DGKI: variants seen among roughly 807,000 people sequenced by gnomAD.
The protein encoded by DGKI is diacylglycerol kinase iota.
DGKI carries 55 observed loss-of-function variants against 147.5 expected under a neutral mutation model. The observed-to-expected ratio is 0.37, with a 90% CI of 0.30 to 0.47. The LOEUF is 0.47. DGKI is among the 20% of genes least tolerant of loss of function. The pLI is 1.00. For synonymous variants in DGKI, 469 were observed against 477.1 expected, an observed-to-expected ratio of 0.98 and a Z score of 0.22; for missense variants, 1,007 against 1,323.8, an observed-to-expected ratio of 0.76 and a Z score of 3.71.
At position 137,384,321 on chromosome 7, in the gene DGKI, G is replaced by A. The variant is rs1343487868; in HGVS notation, c.*6899C>T. On this transcript the variant is annotated 3_prime_UTR_variant, in exon 33 of 33. Transcript: ENST00000614521. ...TGTACAAGCTGACAAGCCTCTCTCC[G>A]ACAGCAAAAACTCTGACTTTTTGAT... The A allele has an allele frequency of 2.0e-5, 3 of 151,940 alleles. No homozygotes were observed. Among genetic ancestry groups the A allele is most frequent in the East Asian group, 3.9e-4 (2 of 5,170 alleles). 9.4% of individuals were successfully genotyped at this position (151,940 alleles called of 1,614,324 possible).
chr7:137,750,055 G>A (rs931845789), intron 1 of DGKI, among the ~76,000 whole-genome samples: 18 of 152,188 alleles, frequency 1.2e-4, no homozygotes, highest in African/African-American at 4.1e-4. Flanking sequence ...TGGCATCAGG[G>A]AGACCCAGTA....
intron 21 of DGKI, among the ~76,000 whole-genome samples, chr7:137,494,439 A>G (rs1431556792): frequency 1.3e-5 from 2 of 152,192 alleles, no homozygotes; most frequent in Non-Finnish European, 2.9e-5. Context: ...CAGGTCACCT[A>G]CAAAGGAAAC....
At chr7:137,470,569 T>C (rs1178126473) in intron 23 of DGKI, among the ~76,000 whole-genome samples, 1 of 152,134 alleles carries the variant, frequency 6.6e-6, no homozygotes, top group Non-Finnish European at 1.5e-5. Flanking sequence ...ATTTCATTTA[T>C]ATTTTATTTT....
chr7:137,604,998 T>C (rs2128991298), intron 10 of DGKI, among the ~76,000 whole-genome samples: 1 of 152,228 alleles, frequency 6.6e-6, no homozygotes, highest in African/African-American at 2.4e-5. Flanking sequence ...TTACTATCTC[T>C]TTCCACCGAA....
intron 10 of DGKI, among the ~76,000 whole-genome samples, chr7:137,603,531 G>A (rs1176871082): frequency 6.6e-6 from 1 of 152,212 alleles, no homozygotes; most frequent in African/African-American, 2.4e-5. Flanking sequence ...CTCTGTCCAT[G>A]TGTACCGTCG....
intron 19 of DGKI, among the ~76,000 whole-genome samples, chr7:137,561,194 A>T (rs1240521253): frequency 6.6e-6 from 1 of 152,092 alleles, no homozygotes. Flanking sequence ...ACAACAAAAA[A>T]TAAAAAAAAA....
At chr7:137,578,527 G>A (rs1819066432) in intron 15 of DGKI, among the ~76,000 whole-genome samples, 2 of 152,216 alleles carry the variant, frequency 1.3e-5, no homozygotes, top group African/African-American at 4.8e-5. Flanking sequence ...GACTATAAAT[G>A]TGTAGTTCCA....
At chr7:137,570,589 T>C (rs1338514845) in intron 19 of DGKI, among the ~76,000 whole-genome samples, 1 of 146,786 alleles carries the variant, frequency 6.8e-6, no homozygotes, top group Non-Finnish European at 1.5e-5. Flanking sequence ...GTTTCTATAG[T>C]GTAATTTTTT....
chr7:137,586,024 A>C lies in DGKI; in HGVS notation c.1426-678T>G, dbSNP rs369839283. ...ATTTCTACACTGCCTACTTTAAAAA[A>C]AGACCTGTGGAAGGTTAATTTGCCC... On this transcript the variant is annotated intron_variant, in intron 13 of 32. Transcript: ENST00000614521. Among the ~76,000 whole-genome samples, 12 of 152,346 alleles carry C rather than the reference A, an allele frequency of 7.9e-5. No homozygotes were observed. The South Asian group carries it at 2.3e-3, about 29-fold the overall frequency.
chr7:137,527,575 A>G (rs2128955536), intron 20 of DGKI, among the ~76,000 whole-genome samples: 1 of 152,296 alleles, frequency 6.6e-6, no homozygotes, highest in East Asian at 1.9e-4. Context: ...TAATCATTCT[A>G]CATTTTGTAC....
At chr7:137,770,679 G>C (rs55719809) in intron 1 of DGKI, among the ~76,000 whole-genome samples, 1 of 96,758 alleles carries the variant, frequency 1.0e-5, no homozygotes, top group Non-Finnish European at 1.8e-5. Flanking sequence ...GACTACAGGC[G>C]CCCGCCACTA....
intron 2 of DGKI, among the ~76,000 whole-genome samples, chr7:137,680,284 G>T (rs964566094): frequency 1.3e-5 from 2 of 152,158 alleles, no homozygotes; most frequent in African/African-American, 4.8e-5. Flanking sequence ...CAGAACTGTG[G>T]GAAATGAAGT....
chr7:137,472,494 C>A (rs200256234), intron 23 of DGKI, among the ~76,000 whole-genome samples: 3 of 142,046 alleles, frequency 2.1e-5, no homozygotes, highest in African/African-American at 7.8e-5. Context: ...TATATATACA[C>A]GTGTATATAT....
chr7:137,739,850 G>A lies in DGKI; in HGVS notation c.402-49848C>T, dbSNP rs113603670. Among the ~76,000 whole-genome samples, 777 of 152,288 alleles carry A rather than the reference G, an allele frequency of 5.1e-3. 1 individual carries two copies. Among genetic ancestry groups the A allele is most frequent in the Non-Finnish European group, 8.9e-3 (607 of 68,014 alleles). On this transcript the variant is annotated intron_variant, in intron 1 of 32. Transcript: ENST00000614521. ...ACTTTCCAGTTTATTTTTGCCACTT[G>A]CAGAATCGAAATGGCAGTCAAGAAA...
At chr7:137,462,032 T>C (rs1423272979) in intron 27 of DGKI, among the ~76,000 whole-genome samples, 3 of 152,114 alleles carry the variant, frequency 2.0e-5, no homozygotes, top group Non-Finnish European at 4.4e-5. Flanking sequence ...CATCAGTATG[T>C]TATATATAGA....
At chr7:137,837,997 C>CTTTTTTTT (rs777963342) in intron 1 of DGKI, among the ~76,000 whole-genome samples, 1 of 109,834 alleles carries the variant, frequency 9.1e-6, no homozygotes, top group Non-Finnish European at 1.8e-5. Flanking sequence ...AAGGGAGAAA[C>CTTTTTTTT]TTTTTTTTTT....
At chr7:137,607,380 C>T (rs75431051) in intron 10 of DGKI, among the ~76,000 whole-genome samples, 5,416 of 152,182 alleles carry the variant, frequency 0.036, 321 homozygotes, top group African/African-American at 0.12. Context: ...CCTTGACCTC[C>T]CTTTTCTATT....
chr7:137,595,686 C>T (rs926189954), intron 12 of DGKI, among the ~76,000 whole-genome samples: 8 of 152,100 alleles, frequency 5.3e-5, no homozygotes, highest in African/African-American at 1.9e-4. Context: ...TAGCACAGTG[C>T]TTCCTCCACA....
chr7:137,836,599 A>G (rs957446783), intron 1 of DGKI, among the ~76,000 whole-genome samples: 3 of 152,188 alleles, frequency 2.0e-5, no homozygotes, highest in African/African-American at 7.2e-5. Context: ...ATTACAACAA[A>G]TCACAAGGTC....
Sources: gnomAD v4.1 joint callset for allele counts (sites outside exome capture counted in the v4.1 genomes callset) on GRCh38, gnomAD v4.1.1 for gene constraint, MANE v1.5 for transcripts, NCBI Gene and HGNC (gene_info 2026-07-23, HGNC 2026-07-21) for gene names.